KALRN: variants seen among roughly 807,000 people sequenced by gnomAD.
The protein encoded by KALRN is kalirin RhoGEF kinase.
KALRN carries 70 observed loss-of-function variants against 353.7 expected under a neutral mutation model. The ratio of observed to expected loss-of-function variants is 0.20; its 90% CI spans 0.16 to 0.24. KALRN has a LOEUF of 0.24. Ranked by LOEUF, KALRN falls within the 10% of genes least tolerant of loss-of-function variation. The probability of loss-of-function intolerance (pLI) is 1.00; values close to 1 mark genes in which losing one functional copy is unlikely to be tolerated. For missense variants in KALRN, 2,791 were observed against 3,756.7 expected (o/e 0.74, Z 6.72); for synonymous variants, 1,391 against 1,434.8 (o/e 0.97, Z 0.69).
intron 5 of KALRN, among the ~76,000 whole-genome samples, chr3:124,298,132 G>A (rs556843398): frequency 2.8e-4 from 42 of 152,330 alleles, no homozygotes; most frequent in Admixed American, 4.6e-4. Context: ...GGGCTGCCTG[G>A]AAGAGGGCTG....
At chr3:124,116,950 T>C (rs1177053018) in intron 1 of KALRN, among the ~76,000 whole-genome samples, 1 of 152,192 alleles carries the variant, frequency 6.6e-6, no homozygotes, top group Non-Finnish European at 1.5e-5. Context: ...TTCAGTAACA[T>C]CTTGGAATCT....
At position 124,413,628 on chromosome 3, in the gene KALRN, G is replaced by A; in HGVS notation, c.2505G>A (p.Gln835=). 5 of 1,614,136 alleles carry A rather than the reference G, an allele frequency of 3.1e-6. No individual in the cohort carries two copies. The highest frequency in any genetic ancestry group is 4.2e-6 in the Non-Finnish European group (5 of 1,180,014). The change falls in exon 14 of 60, where the codon CAG becomes CAA. Residue 835 remains glutamine (Q), a synonymous_variant. Coordinates refer to ENST00000682506, the MANE Select transcript of KALRN (RefSeq NM_001388419.1). ...NMTFEVIQQG[Q]DLHQYITEVQ... is the part of the protein sequence containing the mutation. Reference sequence around the variant, plus strand: ...CCTTTGAGGTTATCCAGCAGGGACAGGATCTGCACCAGTACATCACGGAGG... The same window carrying A: ...CCTTTGAGGTTATCCAGCAGGGACAAGATCTGCACCAGTACATCACGGAGG...
At chr3:124,557,058 C>T (rs2071349868) in intron 33 of KALRN, among the ~76,000 whole-genome samples, 1 of 152,258 alleles carries the variant, frequency 6.6e-6, no homozygotes, top group Admixed American at 6.5e-5. Context: ...CCATTCCCTT[C>T]CTGTTAGGTT....
intron 36 of KALRN, among the ~76,000 whole-genome samples, chr3:124,634,620 G>A (rs995340426): frequency 6.6e-6 from 1 of 152,312 alleles, no homozygotes; most frequent in Middle Eastern, 3.4e-3. Flanking sequence ...GTGCTTCCAG[G>A]TACTGACCCG....
chr3:124,531,839 C>T (rs1033015467), intron 33 of KALRN, among the ~76,000 whole-genome samples: 3 of 152,178 alleles, frequency 2.0e-5, no homozygotes, highest in South Asian at 2.1e-4. Context: ...CAGACTCAAA[C>T]CATATCAGTC....
chr3:124,358,455 GCAA>G (rs1273571877), intron 10 of KALRN, among the ~76,000 whole-genome samples: 2 of 152,128 alleles, frequency 1.3e-5, no homozygotes, highest in African/African-American at 4.8e-5. Flanking sequence ...GATCCGAAAG[GCAA>G]CAACAAAACA....
intron 36 of KALRN, among the ~76,000 whole-genome samples, chr3:124,636,305 A>G (rs1198623348): frequency 6.6e-6 from 1 of 152,130 alleles, no homozygotes; most frequent in Non-Finnish European, 1.5e-5. Flanking sequence ...GTGCAGGGTT[A>G]ACTATTTCTC....
At chr3:124,042,752 T>G (rs1447478812) in intron 1 of KALRN, among the ~76,000 whole-genome samples, 3 of 152,114 alleles carry the variant, frequency 2.0e-5, no homozygotes, top group Non-Finnish European at 4.4e-5. Context: ...TTGGGACATG[T>G]TGCATTTCAG....
rs1275879168 is a variant in KALRN, at chr3:124,446,252, G to T, written c.3405G>T (p.Val1135=). The part of the protein sequence containing the change: ...KRRLDQCQQY[V]VFERSAKQAL... ...GGTTAGACCAATGCCAGCAATATGT[G>T]GTGTTCGAGCGCAGCGCTAAGCAGG... Residue 1135 remains valine, a synonymous_variant, in exon 20 of 60, where the codon GTG becomes GTT. Transcript: ENST00000682506. The T allele has an allele frequency of 6.2e-7, 1 of 1,613,828 alleles. No individual in the cohort carries two copies. Among genetic ancestry groups the T allele is most frequent in the Admixed American group, 1.7e-5 (1 of 60,008 alleles).
intron 1 of KALRN, among the ~76,000 whole-genome samples, chr3:124,184,238 G>A (rs916097211): frequency 6.6e-6 from 1 of 152,154 alleles, no homozygotes; most frequent in Non-Finnish European, 1.5e-5. Flanking sequence ...GTCACTCTGT[G>A]CCCTTATGTC....
intron 9 of KALRN, among the ~76,000 whole-genome samples, chr3:124,341,594 A>C (rs1287923259): frequency 6.6e-6 from 1 of 152,192 alleles, no homozygotes; most frequent in East Asian, 1.9e-4. Flanking sequence ...GTAGACTGAG[A>C]TAGAGTTACA....
chr3:124,685,846 T>C lies in KALRN; in HGVS notation c.7377+6329T>C, dbSNP rs912856963. Among the ~76,000 whole-genome samples the C allele has an allele frequency of 3.3e-5, 5 of 152,284 alleles. No homozygotes were observed. In the East Asian group the frequency reaches 7.7e-4, roughly 24 times the overall value. ...GACTGGGGGCCTAACCCGTTTCGTT[T>C]ACGTTGTACACTAATGAGATTACAA... On this transcript the variant is annotated intron_variant, in intron 51 of 59. Coordinates refer to ENST00000682506, the MANE Select transcript of KALRN (RefSeq NM_001388419.1).
chr3:124,357,375 A>G (rs1023765383), intron 10 of KALRN, among the ~76,000 whole-genome samples: 1 of 152,196 alleles, frequency 6.6e-6, no homozygotes, highest in Non-Finnish European at 1.5e-5. Context: ...ATGATCTCCA[A>G]TGGTTATGGA....
chr3:124,191,279 G>C (rs1326713243), intron 1 of KALRN, among the ~76,000 whole-genome samples: 1 of 152,178 alleles, frequency 6.6e-6, no homozygotes, highest in Non-Finnish European at 1.5e-5. Context: ...GGTTATTGAT[G>C]ATCAACTTAA....
intron 33 of KALRN, among the ~76,000 whole-genome samples, chr3:124,529,218 G>A (rs1056280559): frequency 6.6e-5 from 10 of 152,140 alleles, no homozygotes; most frequent in Admixed American, 6.5e-4. Flanking sequence ...TGTAGATAAT[G>A]CAAGTACAAT....
chr3:124,329,437 A>G (rs985564570), intron 7 of KALRN, among the ~76,000 whole-genome samples: 1 of 152,120 alleles, frequency 6.6e-6, no homozygotes, highest in African/African-American at 2.4e-5. Flanking sequence ...GGATGTACAT[A>G]CTGTAAAGCA....
chr3:124,474,714 A>C lies in KALRN; in HGVS notation c.4083A>C (p.Gly1361=). The C allele has an allele frequency of 6.2e-7, 1 of 1,614,006 alleles. No homozygotes were observed. Among genetic ancestry groups the C allele is most frequent in the Non-Finnish European group, 8.5e-7 (1 of 1,179,894 alleles). Residue 1361 remains glycine, a synonymous_variant, in exon 26 of 60, where the codon GGA becomes GGC. Transcript: ENST00000682506. ...ACGAGCAACTGCCTGAGGATGTGGG[A>C]CACTGCTTTGTTACCTGGGTAACCA... The part of the protein sequence containing the change: ...EKYEQLPEDV[G]HCFVTWADKF...
chr3:124,398,981 T>C (rs1426787391), intron 13 of KALRN, 110 bp downstream of exon 13: 18 of 1,166,692 alleles, frequency 1.5e-5, no homozygotes, highest in Admixed American at 2.9e-5. Context: ...GCATCCAGCA[T>C]GCATTTTTAG....
At chr3:124,558,674 G>A (rs143089265) in intron 33 of KALRN, among the ~76,000 whole-genome samples, 84 of 152,342 alleles carry the variant, frequency 5.5e-4, no homozygotes, top group African/African-American at 2.0e-3. Flanking sequence ...ACAACAAGCT[G>A]TGAAGTAGAT....
Sources: allele counts gnomAD v4.1 joint callset (sites outside exome capture counted in the v4.1 genomes callset), GRCh38; gene constraint gnomAD v4.1.1; transcripts MANE v1.5; gene names NCBI Gene and HGNC (gene_info 2026-07-23, HGNC 2026-07-21).